Variants in FREM2 observed in about 807,000 individuals in gnomAD.
The protein encoded by FREM2 is FRAS1-related extracellular matrix protein 2.
A neutral mutation model predicts 219.9 loss-of-function variants in FREM2; 119 were observed. That is an observed-to-expected ratio of 0.54 (90% confidence interval 0.47 to 0.63). FREM2 has a LOEUF of 0.63. Among genes scored for constraint, FREM2 ranks in the 30% least tolerant of loss-of-function variants. FREM2 has a pLI of 0.00. For synonymous variants in FREM2, 1,562 were observed against 1,522.8 expected (o/e 1.03, Z -0.60); for missense variants, 4,030 against 3,993.6 (o/e 1.01, Z -0.25).
intron 2 of FREM2, among the ~76,000 whole-genome samples, chr13:38,706,254 G>A (rs572803492): frequency 2.2e-4 from 34 of 152,162 alleles, no homozygotes; most frequent in Non-Finnish European, 3.8e-4. Context: ...TCAAAGGGTA[G>A]TTTTGATTGC....
chr13:38,697,333 G>T (rs892599485), intron 1 of FREM2, among the ~76,000 whole-genome samples: 2 of 152,202 alleles, frequency 1.3e-5, no homozygotes, highest in African/African-American at 2.4e-5. Flanking sequence ...TTTCAAGAGT[G>T]CCAGGAAATC....
At chr13:38,824,945 C>A (rs1876219947) in intron 6 of FREM2, among the ~76,000 whole-genome samples, 2 of 151,316 alleles carry the variant, frequency 1.3e-5, no homozygotes, top group African/African-American at 2.4e-5. Flanking sequence ...AGCCTAAACC[C>A]AGGCAGCTTG....
At chr13:38,697,565 G>C in intron 1 of FREM2, 133 bp from the exon 2 acceptor site, 1 of 672,822 alleles carries the variant, frequency 1.5e-6, no homozygotes, top group Non-Finnish European at 2.7e-6. Flanking sequence ...AAATAAGACA[G>C]CACTGTTTCT....
At chr13:38,736,305 A>G (rs1008753080) in intron 2 of FREM2, among the ~76,000 whole-genome samples, 1 of 152,170 alleles carries the variant, frequency 6.6e-6, no homozygotes, top group Non-Finnish European at 1.5e-5. Flanking sequence ...AAACAAATGG[A>G]CCTAAAAACA....
At chr13:38,730,850 T>C (rs930022853) in intron 2 of FREM2, among the ~76,000 whole-genome samples, 1 of 152,026 alleles carries the variant, frequency 6.6e-6, no homozygotes, top group Non-Finnish European at 1.5e-5. Context: ...TATTATTCTT[T>C]AAGTTTTTGA....
intron 6 of FREM2, chr13:38,821,629 A>G (rs2137877129): frequency 6.6e-6 from 1 of 152,138 alleles, no homozygotes; most frequent in Admixed American, 6.6e-5. Flanking sequence ...TCACACATTT[A>G]TTCATTTAAA....
rs61947981 is a variant in FREM2 at position 38,826,367 on chromosome 13, C to T, written c.6020-20206C>T. 4.9e-3 allele frequency among the ~76,000 whole-genome samples: 744 copies of T among 152,182 alleles called. 2 individuals are homozygous for T. The highest frequency in any genetic ancestry group is 6.9e-3 in the Non-Finnish European group (470 of 67,988). On this transcript the variant is annotated intron_variant, in intron 6 of 23. Coordinates refer to ENST00000280481, the MANE Select transcript of FREM2 (RefSeq NM_207361.6). ...GTGACTGAGAGGGGGAGTGGCACCC[C>T]TGGCTTGCAGAACAATGATTTTTTT...
chr13:38,690,277 A>G lies in FREM2; in HGVS notation c.2933A>G (p.Asp978Gly). Residue 978 changes from aspartate (D) to glycine (G), a missense_variant, in exon 1 of 24, where the codon GAC becomes GGC. By Grantham distance (94) the Asp-to-Gly change is moderately conservative. Transcript: ENST00000280481. The stretch of plus-strand genomic sequence containing the variant: ...AAGGGGACCAATGAGGAAACTGATG[A>G]CTTGATGTTGACTTTCCTCTTGGAA... ...VIKGTNEETD[D>G]LMLTFLLEDP... is the part of the protein sequence containing the mutation. 1.2e-6 allele frequency: 2 copies of G among 1,614,178 alleles called. No homozygotes were observed. Among genetic ancestry groups the G allele is most frequent in the South Asian group, 1.1e-5 (1 of 91,090 alleles).
At chr13:38,802,317 C>T (rs1875044710) in intron 6 of FREM2, among the ~76,000 whole-genome samples, 1 of 152,174 alleles carries the variant, frequency 6.6e-6, no homozygotes, top group Non-Finnish European at 1.5e-5. Context: ...TCCTCAGTCC[C>T]ACAGCAGCCG....
At chr13:38,756,025 G>A (rs1872984011) in intron 2 of FREM2, among the ~76,000 whole-genome samples, 1 of 152,182 alleles carries the variant, frequency 6.6e-6, no homozygotes, top group Non-Finnish European at 1.5e-5. Context: ...CTGCCCATCT[G>A]AGAATGCAGT....
At chr13:38,783,951 T>C (rs1452886617) in intron 5 of FREM2, among the ~76,000 whole-genome samples, 3 of 152,154 alleles carry the variant, frequency 2.0e-5, no homozygotes, top group African/African-American at 7.2e-5. Context: ...AAAAATTAAC[T>C]GGGCATGGTG....
intron 2 of FREM2, among the ~76,000 whole-genome samples, chr13:38,753,696 C>G (rs1872868682): frequency 6.6e-6 from 1 of 152,190 alleles, no homozygotes; most frequent in Non-Finnish European, 1.5e-5. Flanking sequence ...AATGAGAGTT[C>G]ATGTTGCAGT....
At chr13:38,739,519 A>G (rs894677617) in intron 2 of FREM2, among the ~76,000 whole-genome samples, 1 of 152,130 alleles carries the variant, frequency 6.6e-6, no homozygotes, top group Non-Finnish European at 1.5e-5. Flanking sequence ...CATTACACCT[A>G]TGGTTGGCTT....
intron 16 of FREM2, among the ~76,000 whole-genome samples, chr13:38,867,073 G>T (rs1877995395): frequency 6.6e-6 from 1 of 152,082 alleles, no homozygotes. Context: ...ATGACTGCCA[G>T]CTAGAAAAGT....
In FREM2 at chr13:38,856,245, G is replaced by A. The variant is rs1162186090; in HGVS notation, c.7045G>A (p.Ala2349Thr). Reference sequence around the variant, plus strand: ...CCTAAAACCTGATGAAAATATGATAGCAGAGATGCAGGTAAGTAATGTAAT... The same window carrying A: ...CCTAAAACCTGATGAAAATATGATAACAGAGATGCAGGTAAGTAATGTAAT... ...VHLKPDENMI[A>T]EMQLTKAIVY... The change falls in exon 12 of 24, where the codon GCA (alanine) becomes ACA (threonine). Residue 2349 changes from alanine (A) to threonine (T), a missense_variant. By Grantham distance (58) the Ala-to-Thr change is moderately conservative. Coordinates refer to ENST00000280481, the MANE Select transcript of FREM2 (RefSeq NM_207361.6). The A allele has an allele frequency of 1.2e-6, 2 of 1,612,020 alleles. No individual in the cohort carries two copies. The highest frequency in any genetic ancestry group is 1.7e-6 in the Non-Finnish European group (2 of 1,178,600).
intron 4 of FREM2, among the ~76,000 whole-genome samples, chr13:38,778,807 A>G (rs1477878496): frequency 6.6e-6 from 1 of 152,178 alleles, no homozygotes; most frequent in African/African-American, 2.4e-5. Flanking sequence ...AAAGTTAACA[A>G]AAACTCTAAT....
chr13:38,850,874 TG>T, intron 9 of FREM2, 69 bp from the exon 10 acceptor site: 1 of 1,571,540 alleles, frequency 6.4e-7, no homozygotes, highest in East Asian at 2.2e-5. Context: ...CTTGCCCTTA[TG>T]GTGCTCACAT....
intron 2 of FREM2, among the ~76,000 whole-genome samples, chr13:38,751,031 G>GC (rs1469462721): frequency 1.3e-5 from 2 of 151,782 alleles, no homozygotes; most frequent in Non-Finnish European, 2.9e-5. Context: ...TTTGTTTTTT[G>GC]TTTTTTTCAT....
chr13:38,734,393 A>G (rs985184884), intron 2 of FREM2, among the ~76,000 whole-genome samples: 9 of 152,174 alleles, frequency 5.9e-5, no homozygotes, highest in Non-Finnish European at 8.8e-5. Context: ...TTTTTCAGCT[A>G]TGAAATACTT....
Sources: allele counts gnomAD v4.1 joint callset (sites outside exome capture counted in the v4.1 genomes callset), GRCh38; gene constraint gnomAD v4.1.1; transcripts MANE v1.5; gene names NCBI Gene and HGNC (gene_info 2026-07-23, HGNC 2026-07-21).